The following RIC1 variants were observed in gnomAD, a reference collection of about 807,000 sequenced individuals.
The protein encoded by RIC1 is RIC1 partner of RAB6A GEF complex.
In RIC1, 88 loss-of-function variants were observed where a neutral mutation model predicts 169.0. The observed-to-expected ratio is 0.52, with a 90% CI of 0.44 to 0.62. The LOEUF (loss-of-function observed/expected upper bound fraction) is 0.62, where lower values mean the gene tolerates loss of function less well. Ranked by LOEUF, RIC1 falls within the 20% of genes least tolerant of loss-of-function variation. The pLI is 0.00. For synonymous variants in RIC1, 790 were observed against 601.5 expected, an observed-to-expected ratio of 1.31 and a Z score of -4.59; for missense variants, 1,877 against 1,725.5, an observed-to-expected ratio of 1.09 and a Z score of -1.56.
intron 3 of RIC1, among the ~76,000 whole-genome samples, chr9:5,693,015 G>C (rs1301238061): frequency 6.6e-6 from 1 of 152,066 alleles, no homozygotes; most frequent in African/African-American, 2.4e-5. Flanking sequence ...TCTAAAGTCT[G>C]TGCTATTAAT....
chr9:5,749,648 T>A (rs1001397585), intron 12 of RIC1, among the ~76,000 whole-genome samples: 1 of 152,112 alleles, frequency 6.6e-6, no homozygotes, highest in African/African-American at 2.4e-5. Context: ...TGCTACCTTA[T>A]ACTCCTTAGC....
At chr9:5,683,274 G>GT (rs1820977232) in intron 2 of RIC1, among the ~76,000 whole-genome samples, 1 of 152,156 alleles carries the variant, frequency 6.6e-6, no homozygotes, top group African/African-American at 2.4e-5. Flanking sequence ...CGTCTTTGTG[G>GT]TTTTATCTAC....
At position 5,770,193 on chromosome 9, in the gene RIC1, T is replaced by G. The variant is rs373591285; in HGVS notation, c.3531T>G (p.Ile1177Met). ...IQRSQSWLSN[I>M]GPTHHEIDTA... The stretch of plus-strand genomic sequence containing the variant: ...GAAGTCAGAGCTGGCTCAGCAACAT[T>G]GGCCCCACCCATCATGAGATAGACA... Residue 1177 changes from isoleucine to methionine, a missense_variant, in exon 23 of 26, where the codon ATT becomes ATG. Physicochemically the swap from Ile to Met is conservative, Grantham distance 10 (BLOSUM62 1). This residue lies in a region of RIC1 where 681 missense variants were observed against 582.0 expected (regional missense o/e 1.17). Coordinates refer to ENST00000414202, the MANE Select transcript of RIC1 (RefSeq NM_020829.4). 26 of 1,613,908 alleles carry G rather than the reference T, an allele frequency of 1.6e-5. No individual in the cohort carries two copies. Among genetic ancestry groups the G allele is most frequent in the African/African-American group, 2.7e-5 (2 of 74,900 alleles).
chr9:5,725,205 T>A (rs2130889286), intron 6 of RIC1, among the ~76,000 whole-genome samples: 1 of 152,342 alleles, frequency 6.6e-6, no homozygotes, highest in African/African-American at 2.4e-5. Context: ...TTTTGGTTAG[T>A]AGGCTATTAA....
At chr9:5,708,897 C>G (rs1211065346) in intron 3 of RIC1, among the ~76,000 whole-genome samples, 1 of 151,960 alleles carries the variant, frequency 6.6e-6, no homozygotes, top group African/African-American at 2.4e-5. Flanking sequence ...TCCCATAAGT[C>G]TTTAAACTGG....
At chr9:5,658,644 C>T (rs1048424748) in intron 2 of RIC1, among the ~76,000 whole-genome samples, 2 of 151,980 alleles carry the variant, frequency 1.3e-5, no homozygotes, top group South Asian at 2.1e-4. Flanking sequence ...TAGTAAAAAT[C>T]CACATGGAGC....
downstream of RIC1, among the ~76,000 whole-genome samples, chr9:5,778,479 A>G (rs906904965): frequency 3.3e-5 from 5 of 152,190 alleles, no homozygotes; most frequent in African/African-American, 7.2e-5. Context: ...CTTAGGGAGA[A>G]GCTTTCTCTC....
At chr9:5,754,373 A>T (rs550890393) in intron 14 of RIC1, among the ~76,000 whole-genome samples, 1 of 152,292 alleles carries the variant, frequency 6.6e-6, no homozygotes, top group East Asian at 1.9e-4. Context: ...TAGGATATGG[A>T]TCATTATTAA....
At chr9:5,630,869 T>G (rs561314261) in intron 1 of RIC1, among the ~76,000 whole-genome samples, 3 of 152,242 alleles carry the variant, frequency 2.0e-5, no homozygotes, top group Non-Finnish European at 2.9e-5. Context: ...TTAATTTGTT[T>G]AGGTGTATAT....
At chr9:5,744,699 CAT>C (rs1825279768) in intron 10 of RIC1, among the ~76,000 whole-genome samples, 1 of 152,114 alleles carries the variant, frequency 6.6e-6, no homozygotes. Flanking sequence ...ACTGTGGTGT[CAT>C]ATCAGCCCTC....
At position 5,665,335 on chromosome 9, in the gene RIC1, C is replaced by T. The variant is rs902581398; in HGVS notation, c.252+8645C>T. Among the ~76,000 whole-genome samples the T allele has an allele frequency of 3.2e-4, 49 of 152,136 alleles. 1 individual carries two copies. Among genetic ancestry groups the T allele is most frequent in the Admixed American group, 2.8e-3 (42 of 15,272 alleles). On this transcript the variant is annotated intron_variant, in intron 2 of 25. Coordinates refer to ENST00000414202, the MANE Select transcript of RIC1 (RefSeq NM_020829.4). ...TTTGAAGGTCTCTAAGAACTTGGCA[C>T]GTCCTGTATTGTTTTGTCATGTTTC...
chr9:5,777,359 C>A (rs1316288409), downstream of RIC1, among the ~76,000 whole-genome samples: 3 of 149,502 alleles, frequency 2.0e-5, 1 homozygote, highest in South Asian at 4.2e-4. Flanking sequence ...GGATCTAATT[C>A]CACACAAAAT....
rs560951836 is a variant in RIC1 at position 5,672,972 on chromosome 9, G to T, written c.252+16282G>T. Among the ~76,000 whole-genome samples the T allele has an allele frequency of 3.5e-3, 538 of 152,164 alleles. 1 individual carries two copies. The highest frequency in any genetic ancestry group is 0.01 in the Middle Eastern group (3 of 294). On this transcript the variant is annotated intron_variant, in intron 2 of 25. Coordinates refer to ENST00000414202, the MANE Select transcript of RIC1 (RefSeq NM_020829.4). ...ACCTAGACAGGATGTCCTTTATCTC[G>T]GTTAAGTAACGGTATGTTCGGATAA...
chr9:5,692,216 A>T (rs983947356), intron 3 of RIC1, among the ~76,000 whole-genome samples: 1 of 152,056 alleles, frequency 6.6e-6, no homozygotes, highest in Non-Finnish European at 1.5e-5. Flanking sequence ...TGTCAGATAG[A>T]CCTGAAATTA....
At chr9:5,728,772 C>A (rs539888774) in intron 6 of RIC1, among the ~76,000 whole-genome samples, 11 of 152,240 alleles carry the variant, frequency 7.2e-5, no homozygotes, top group African/African-American at 2.6e-4. Flanking sequence ...TGTTTTTTGG[C>A]CTTCTGTCAT....
intron 7 of RIC1, among the ~76,000 whole-genome samples, chr9:5,734,670 C>T (rs966816372): frequency 6.6e-5 from 10 of 152,216 alleles, no homozygotes; most frequent in African/African-American, 2.4e-4. Context: ...CATTACTGGT[C>T]TCCAGTCACA....
intron 17 of RIC1, among the ~76,000 whole-genome samples, chr9:5,758,037 C>G (rs1263371225): frequency 3.3e-5 from 5 of 151,992 alleles, no homozygotes; most frequent in Admixed American, 1.3e-4. Context: ...TGAAGTAAGA[C>G]AAAACTACTG....
chr9:5,735,659 CTAAT>C (rs1163674311), intron 7 of RIC1, among the ~76,000 whole-genome samples: 2 of 152,206 alleles, frequency 1.3e-5, no homozygotes, highest in African/African-American at 4.8e-5. Flanking sequence ...CTTATCAGGA[CTAAT>C]TACCTTGAAC....
At chr9:5,726,564 C>A (rs201219229) in intron 6 of RIC1, among the ~76,000 whole-genome samples, 24 of 152,102 alleles carry the variant, frequency 1.6e-4, no homozygotes, top group African/African-American at 4.3e-4. Context: ...TTTAAGGTTA[C>A]TATTGTTATG....
Sources: gnomAD v4.1 joint callset for allele counts (sites outside exome capture counted in the v4.1 genomes callset) on GRCh38, gnomAD v4.1.1 for gene constraint, gnomAD v4.1.1 regional missense constraint, MANE v1.5 for transcripts, NCBI Gene and HGNC (gene_info 2026-07-23, HGNC 2026-07-21) for gene names.